Variants in PCDH15 observed in about 807,000 individuals in gnomAD.
PCDH15 encodes the protein protocadherin related 15.
Under a neutral mutation model 178.5 loss-of-function variants are expected in PCDH15, and 129 were observed. The ratio of observed to expected loss-of-function variants is 0.72; its 90% CI spans 0.63 to 0.84. PCDH15 has a LOEUF of 0.84. Among genes scored for constraint, PCDH15 ranks in the 40% least tolerant of loss-of-function variants. The probability of loss-of-function intolerance (pLI) is 0.00; values close to 1 mark genes in which losing one functional copy is unlikely to be tolerated. For missense variants in PCDH15, 2,230 were observed against 2,099.9 expected, an observed-to-expected ratio of 1.06 and a Z score of -1.21; for synonymous variants, 800 against 732.0, an observed-to-expected ratio of 1.09 and a Z score of -1.50.
intron 1 of PCDH15, among the ~76,000 whole-genome samples, chr10:55,209,939 A>C (rs1156760820): frequency 6.6e-6 from 1 of 152,060 alleles, no homozygotes. Context: ...GAACAAGTGA[A>C]AAGATTCTAG....
chr10:54,961,486 G>A (rs957043486), intron 2 of PCDH15, among the ~76,000 whole-genome samples: 4 of 152,204 alleles, frequency 2.6e-5, no homozygotes, highest in African/African-American at 9.6e-5. Context: ...GAGGCCTAGG[G>A]GCTAGGCTAC....
At chr10:53,925,255 C>T (rs750272503) in intron 25 of PCDH15, among the ~76,000 whole-genome samples, 16 of 152,084 alleles carry the variant, frequency 1.1e-4, no homozygotes, top group Non-Finnish European at 1.9e-4. Flanking sequence ...CCAGCGAGAC[C>T]ACGAACCCAC....
rs557543829 is a variant in PCDH15 at position 54,344,707 on chromosome 10, G to A, written c.594+1658C>T. Among the ~76,000 whole-genome samples the A allele has an allele frequency of 1.3e-4, 20 of 151,600 alleles. No homozygotes were observed. In the East Asian group the frequency reaches 3.7e-3, roughly 28 times the overall value. On this transcript the variant is annotated intron_variant, in intron 6 of 37. Coordinates refer to ENST00000644397, the MANE Select transcript of PCDH15 (RefSeq NM_001384140.1). ...AAACAAAATAAATGGTTTCAAAATC[G>A]AATGTTCAGTCAGCTGTTTCTACAT... is the stretch of plus-strand genomic sequence containing the variant.
rs565627190 is a variant in PCDH15 at position 55,482,686 on chromosome 10, G to A, written c.-156+144939C>T. 1.7e-4 allele frequency among the ~76,000 whole-genome samples: 26 copies of A among 151,798 alleles called. 1 individual carries two copies. The South Asian group carries it at 2.7e-3, about 16-fold the overall frequency. On this transcript the variant is annotated intron_variant, in intron 2 of 5. Transcript: ENST00000613346. ...TTGTAGGATTTCCACTGAGATGTCCGCTGTTAGTCTGATGGGCTTCCCTTT... is the reference window on the plus strand; with the variant it reads ...TTGTAGGATTTCCACTGAGATGTCCACTGTTAGTCTGATGGGCTTCCCTTT...
chr10:55,189,645 A>G (rs1696999657), intron 1 of PCDH15, among the ~76,000 whole-genome samples: 1 of 151,880 alleles, frequency 6.6e-6, no homozygotes, highest in Admixed American at 6.6e-5. Flanking sequence ...TCTCAACTCT[A>G]CAACTTACTC....
Position 53,802,802 on chromosome 10 carries a change from G to T in PCDH15, c.*3777C>A, listed in dbSNP as rs538571916. The T allele has an allele frequency of 2.6e-4, 40 of 151,990 alleles. No individual in the cohort carries two copies. The highest frequency in any genetic ancestry group is 9.4e-4 in the African/African-American group (39 of 41,506). The allele number at this position is 151,990 out of a possible 1,614,324, so 9.4% of individuals were successfully genotyped here. On this transcript the variant is annotated 3_prime_UTR_variant, in exon 38 of 38. Coordinates refer to ENST00000644397, the MANE Select transcript of PCDH15 (RefSeq NM_001384140.1). ...AATGAAAATTTATTTTTGAAACATT[G>T]TGTAGTGAATAACAATGCATTTTAA...
intron 15 of PCDH15, among the ~76,000 whole-genome samples, chr10:54,095,082 C>A (rs2094676582): frequency 6.6e-6 from 1 of 152,126 alleles, no homozygotes; most frequent in Non-Finnish European, 1.5e-5. Context: ...GACATTAAGA[C>A]AAAGTAACTG....
chr10:53,878,476 G>GTA (rs10683839), intron 26 of PCDH15, among the ~76,000 whole-genome samples: 89,694 of 140,386 alleles, frequency 0.64, 29,149 homozygotes, highest in Middle Eastern at 0.79. Flanking sequence ...CCATAGTATA[G>GTA]TATATATATA....
At chr10:54,586,517 A>G (rs1421527133) in intron 2 of PCDH15, among the ~76,000 whole-genome samples, 1 of 152,226 alleles carries the variant, frequency 6.6e-6, no homozygotes, top group Non-Finnish European at 1.5e-5. Context: ...AACATAGACC[A>G]TATCATATTT....
intron 28 of PCDH15, among the ~76,000 whole-genome samples, chr10:53,852,781 C>A (rs2078473009): frequency 6.6e-6 from 1 of 151,968 alleles, no homozygotes; most frequent in Non-Finnish European, 1.5e-5. Flanking sequence ...ACATGACATT[C>A]CAGTTTTCCA....
At chr10:54,996,702 T>C (rs560232794) in intron 2 of PCDH15, among the ~76,000 whole-genome samples, 45 of 152,300 alleles carry the variant, frequency 3.0e-4, no homozygotes, top group African/African-American at 1.1e-3. Flanking sequence ...TTTGTGAACC[T>C]AGGCTTTTAT....
intron 2 of PCDH15, among the ~76,000 whole-genome samples, chr10:55,607,915 C>T (rs975317308): frequency 1.3e-5 from 2 of 151,286 alleles, no homozygotes; most frequent in African/African-American, 4.9e-5. Context: ...AAAAAATACA[C>T]ACACACACAG....
chr10:53,871,451 C>CGT (rs71461208), intron 26 of PCDH15, among the ~76,000 whole-genome samples: 3,452 of 146,866 alleles, frequency 0.024, 115 homozygotes, highest in African/African-American at 0.073. Context: ...TATATTCATA[C>CGT]GTGTGTGTGT....
At chr10:54,677,564 T>G (rs1340115071) in intron 1 of PCDH15, among the ~76,000 whole-genome samples, 1 of 152,036 alleles carries the variant, frequency 6.6e-6, no homozygotes, top group Admixed American at 6.6e-5. Context: ...CATAAGAATC[T>G]AAGTGTCCAT....
intron 3 of PCDH15, among the ~76,000 whole-genome samples, chr10:54,502,515 A>G (rs76416024): frequency 0.023 from 3,544 of 152,144 alleles, 124 homozygotes; most frequent in African/African-American, 0.081. Context: ...TTTGCCCTCT[A>G]AAGTACTATA....
At chr10:54,243,332 C>A (rs918542190) in intron 8 of PCDH15, among the ~76,000 whole-genome samples, 2 of 152,098 alleles carry the variant, frequency 1.3e-5, no homozygotes, top group Admixed American at 6.6e-5. Context: ...CACGGTGAAA[C>A]CCCTTCTGTA....
intron 13 of PCDH15, among the ~76,000 whole-genome samples, chr10:54,162,503 CACAA>C (rs2045819248): frequency 3.3e-5 from 5 of 152,242 alleles, no homozygotes; most frequent in East Asian, 1.9e-4. Context: ...ATGGAGAGCA[CACAA>C]ACAAAGATTT....
chr10:53,924,330 C>T (rs553920620), intron 25 of PCDH15, among the ~76,000 whole-genome samples: 2 of 152,346 alleles, frequency 1.3e-5, no homozygotes, highest in Admixed American at 6.5e-5. Flanking sequence ...CCCAGGCCAG[C>T]AGCTGCGGAG....
intron 2 of PCDH15, among the ~76,000 whole-genome samples, chr10:54,601,481 C>T (rs1233558736): frequency 2.6e-5 from 4 of 151,946 alleles, no homozygotes; most frequent in Admixed American, 2.0e-4. Flanking sequence ...CAAATAAAAA[C>T]CACAATAGAA....
Sources: allele counts gnomAD v4.1 joint callset (sites outside exome capture counted in the v4.1 genomes callset), GRCh38; gene constraint gnomAD v4.1.1; transcripts MANE v1.5; gene names NCBI Gene and HGNC (gene_info 2026-07-23, HGNC 2026-07-21).